Variants in ADAMTS5 observed in about 807,000 individuals in gnomAD.
ADAMTS5 encodes A disintegrin and metalloproteinase with thrombospondin motifs 5.
A neutral mutation model predicts 81.4 loss-of-function variants in ADAMTS5; 54 were observed. The observed-to-expected ratio is 0.66, with a 90% confidence interval of 0.53 to 0.83. ADAMTS5 has a LOEUF of 0.83. Ranked by LOEUF, ADAMTS5 falls within the 40% of genes least tolerant of loss-of-function variation. The pLI is 0.00. For missense variants in ADAMTS5, 1,194 were observed against 1,229.9 expected (o/e 0.97, Z 0.44); for synonymous variants, 532 against 508.8 (o/e 1.05, Z -0.61).
At position 26,966,335 on chromosome 21, in the gene ADAMTS5, C is replaced by T; in HGVS notation, c.57G>A (p.Ala19=). 6.6e-7 allele frequency: 1 copy of T among 1,506,850 alleles called. No homozygotes were observed. Among genetic ancestry groups the T allele is most frequent in the East Asian group, 2.6e-5 (1 of 38,430 alleles). The allele number at this position is 1,506,850 out of a possible 1,614,324, so 93.3% of individuals were successfully genotyped here. Residue 19 remains alanine (A), a synonymous_variant, in exon 1 of 8, where the codon GCG becomes GCA. Coordinates refer to ENST00000284987, the MANE Select transcript of ADAMTS5 (RefSeq NM_007038.5). ...GGGCAGGTGTCGCGGCGGGGCCGAC[C>T]GCGGCCAGGGGCAGGCGGAACGCGC... is the stretch of plus-strand genomic sequence containing the variant. ...LLCAFRLPLA[A]VGPAATPAQD...
intron 7 of ADAMTS5, among the ~76,000 whole-genome samples, chr21:26,925,103 C>G (rs932041880): frequency 6.6e-6 from 1 of 152,210 alleles, no homozygotes; most frequent in Non-Finnish European, 1.5e-5. Context: ...CTTTCAGAGC[C>G]TACCCACACC....
At chr21:26,930,194 C>T in intron 6 of ADAMTS5, 133 bp from the exon 7 acceptor site, 1 of 692,234 alleles carries the variant, frequency 1.4e-6, no homozygotes, top group South Asian at 2.8e-5. Context: ...AAAAAAAAAG[C>T]CAAAAAAACA....
intron 3 of ADAMTS5, 104 bp downstream of exon 3, chr21:26,943,276 T>C (rs1407055189): frequency 8.6e-7 from 1 of 1,164,686 alleles, no homozygotes; most frequent in Non-Finnish European, 1.2e-6. Context: ...CACACAACTA[T>C]TGTCTTAGAG....
chr21:26,944,498 G>T (rs1464447705), intron 2 of ADAMTS5, among the ~76,000 whole-genome samples: 1 of 152,104 alleles, frequency 6.6e-6, no homozygotes, highest in African/African-American at 2.4e-5. Context: ...GCAGTCTAAA[G>T]ATAAAATGAT....
In ADAMTS5 at chr21:26,922,730, A is replaced by G. The variant is rs528612611; in HGVS notation, c.*1323T>C. 2.2e-4 allele frequency: 33 copies of G among 152,708 alleles called. No individual in the cohort carries two copies. The highest frequency in any genetic ancestry group is 7.9e-4 in the African/African-American group (33 of 41,578). The allele number at this position is 152,708 out of a possible 1,614,324, so 9.5% of individuals were successfully genotyped here. On this transcript the variant is annotated 3_prime_UTR_variant, in exon 8 of 8. Coordinates refer to ENST00000284987, the MANE Select transcript of ADAMTS5 (RefSeq NM_007038.5). ...AACTTTCTGAAAATCATCACATGTC[A>G]TCACTCAAACACTTACGGGTACAAT...
chr21:26,965,404 C>G lies in ADAMTS5; in HGVS notation c.988G>C (p.Val330Leu). Residue 330 changes from valine to leucine, a missense_variant, in exon 1 of 8, where the codon GTG (valine) becomes CTG (leucine). Transcript: ENST00000284987. ...VLGDKDKSLE[V>L]SKNAATTLKN... is the part of the protein sequence containing the mutation. The stretch of plus-strand genomic sequence containing the variant: ...AGTGTGGTGGCAGCGTTCTTGCTCA[C>G]TTCCAGGCTCTTGTCCTTGTCGCCT... 1 of 1,614,272 alleles carries G rather than the reference C, an allele frequency of 6.2e-7. No homozygotes were observed. The highest frequency in any genetic ancestry group is 8.5e-7 in the Non-Finnish European group (1 of 1,180,042).
rs763772773 is a variant in ADAMTS5 at position 26,943,447 on chromosome 21, A to G, written c.1338T>C (p.Ile446=). 3.7e-6 allele frequency: 6 copies of G among 1,613,730 alleles called. No individual in the cohort carries two copies. The highest frequency in any genetic ancestry group is 5.1e-6 in the Non-Finnish European group (6 of 1,179,768). ...KRLMSSILTS[I]DASKPWSKCT... is the part of the protein sequence containing the mutation. Reference sequence around the variant, plus strand: ...ATTTGGACCAGGGCTTAGATGCATCAATGCTGGTAAGGATGGAAGACATTA... The same window carrying G: ...ATTTGGACCAGGGCTTAGATGCATCGATGCTGGTAAGGATGGAAGACATTA... Residue 446 remains isoleucine (I), a synonymous_variant, in exon 3 of 8, where the codon ATT becomes ATC. Transcript: ENST00000284987.
intron 1 of ADAMTS5, among the ~76,000 whole-genome samples, chr21:26,960,644 G>A (rs758105814): frequency 1.4e-4 from 21 of 152,192 alleles, no homozygotes; most frequent in Non-Finnish European, 2.5e-4. Flanking sequence ...TGGAGCCTTG[G>A]TCTTGGACTT....
chr21:26,951,679 C>CAAAAA (rs58060427), intron 2 of ADAMTS5, among the ~76,000 whole-genome samples: 3 of 46,628 alleles, frequency 6.4e-5, no homozygotes, highest in African/African-American at 2.6e-4. Context: ...CCCTCCATCT[C>CAAAAA]AAAAAAAAAA....
intron 2 of ADAMTS5, chr21:26,953,951 A>C (rs560247993): frequency 1.1e-4 from 17 of 153,710 alleles, no homozygotes; most frequent in African/African-American, 4.1e-4. Flanking sequence ...AATTTAGCAA[A>C]AATTGGGCTC....
At chr21:26,943,648 G>T in intron 2 of ADAMTS5, 101 bp from the exon 3 acceptor site, 1 of 1,121,294 alleles carries the variant, frequency 8.9e-7, no homozygotes, top group Non-Finnish European at 1.3e-6. Context: ...CCTAATTGTA[G>T]ATGAGTTCAC....
chr21:26,946,304 T>C (rs1218789610), intron 2 of ADAMTS5, among the ~76,000 whole-genome samples: 1 of 152,184 alleles, frequency 6.6e-6, no homozygotes, highest in Non-Finnish European at 1.5e-5. Flanking sequence ...AGACATTTAC[T>C]CTTAGTTGAA....
At chr21:26,943,598 A>G (rs749411051) in intron 2 of ADAMTS5, 51 bp from the exon 3 acceptor site, 4 of 1,541,032 alleles carry the variant, frequency 2.6e-6, no homozygotes, top group African/African-American at 1.4e-5. Flanking sequence ...GTGTATTTCT[A>G]TCTTTCCATG....
At chr21:26,940,276 G>A (rs532841248) in intron 3 of ADAMTS5, among the ~76,000 whole-genome samples, 1 of 152,196 alleles carries the variant, frequency 6.6e-6, no homozygotes, top group East Asian at 1.9e-4. Context: ...TTGTATATGT[G>A]TTGTCAGATT....
chr21:26,928,558 G>A (rs1012128605), intron 7 of ADAMTS5, among the ~76,000 whole-genome samples: 1 of 152,060 alleles, frequency 6.6e-6, no homozygotes, highest in East Asian at 1.9e-4. Context: ...CTTTTTAAAA[G>A]TAGTTTTGTT....
At chr21:26,963,899 C>T (rs1235114931) in intron 1 of ADAMTS5, among the ~76,000 whole-genome samples, 1 of 152,124 alleles carries the variant, frequency 6.6e-6, no homozygotes, top group Non-Finnish European at 1.5e-5. Context: ...CGCCCTCCAG[C>T]ATCTTTGTTT....
intron 7 of ADAMTS5, among the ~76,000 whole-genome samples, chr21:26,928,175 G>A (rs1986838341): frequency 6.6e-6 from 1 of 152,110 alleles, no homozygotes; most frequent in Non-Finnish European, 1.5e-5. Flanking sequence ...TCCTGGTAAA[G>A]AAATTAGGTG....
rs1987387439 is a variant in ADAMTS5 at position 26,954,721 on chromosome 21, A to AGAAAAGGCGCTG, written c.1237+6_1237+17dup. On this transcript the variant is annotated intron_variant, in intron 2 of 7. Coordinates refer to ENST00000284987, the MANE Select transcript of ADAMTS5 (RefSeq NM_007038.5). ...CAAGTGTTTGATTTGGTGAGGGAAAAGAAAAGGCGCTGCATACCGATTTCG... is the reference window on the plus strand; with the variant it reads ...CAAGTGTTTGATTTGGTGAGGGAAAAGAAAAGGCGCTGGAAAAGGCGCTGCATACCGATTTCG... 2.5e-6 allele frequency: 4 copies of AGAAAAGGCGCTG among 1,609,936 alleles called. No homozygotes were observed. Among genetic ancestry groups the AGAAAAGGCGCTG allele is most frequent in the Non-Finnish European group, 1.7e-6 (2 of 1,178,768 alleles).
At chr21:26,935,215 C>T (rs891173367) in intron 3 of ADAMTS5, among the ~76,000 whole-genome samples, 1 of 152,148 alleles carries the variant, frequency 6.6e-6, no homozygotes, top group Non-Finnish European at 1.5e-5. Context: ...TTCTAACTCA[C>T]CCCTTCCCCA....
Sources: allele counts gnomAD v4.1 joint callset (sites outside exome capture counted in the v4.1 genomes callset), GRCh38; gene constraint gnomAD v4.1.1; transcripts MANE v1.5; gene names NCBI Gene and HGNC (gene_info 2026-07-23, HGNC 2026-07-21).